Variants in NGEF observed in about 807,000 individuals in gnomAD.
NGEF encodes the protein ephexin-1.
Under a neutral mutation model 80.9 loss-of-function variants are expected in NGEF, and 31 were observed. The observed-to-expected ratio is 0.38, with a 90% CI of 0.29 to 0.52. The LOEUF (loss-of-function observed/expected upper bound fraction) is 0.52, where lower values mean the gene tolerates loss of function less well. Ranked by LOEUF, NGEF falls within the 20% of genes least tolerant of loss-of-function variation. The probability of loss-of-function intolerance (pLI) is 0.84; values close to 1 mark genes in which losing one functional copy is unlikely to be tolerated. For synonymous variants in NGEF, 371 were observed against 370.2 expected (o/e 1.00, Z -0.03); for missense variants, 709 against 926.2 (o/e 0.77, Z 3.04).
At chr2:232,993,955 G>A (rs1345070443) in intron 1 of NGEF, among the ~76,000 whole-genome samples, 2 of 152,096 alleles carry the variant, frequency 1.3e-5, no homozygotes, top group East Asian at 1.9e-4. Flanking sequence ...AATGGGGATG[G>A]GATTTCTTTT....
At chr2:232,922,416 A>G (rs921779418) in intron 4 of NGEF, among the ~76,000 whole-genome samples, 8 of 152,160 alleles carry the variant, frequency 5.3e-5, no homozygotes, top group African/African-American at 1.9e-4. Flanking sequence ...CAGAGCATCC[A>G]CTTCAGCAAG....
At chr2:232,943,306 C>T (rs1337859831) in intron 3 of NGEF, among the ~76,000 whole-genome samples, 1 of 151,804 alleles carries the variant, frequency 6.6e-6, no homozygotes, top group Non-Finnish European at 1.5e-5. Context: ...TAGATTCTTA[C>T]CAGGAGAAAA....
At chr2:232,882,856 T>C (rs531833772) in intron 12 of NGEF, among the ~76,000 whole-genome samples, 2 of 152,332 alleles carry the variant, frequency 1.3e-5, no homozygotes, top group East Asian at 3.9e-4. Context: ...TTTAGCTTGC[T>C]TGTCCCTCGT....
chr2:232,940,864 T>C (rs1316391970), intron 3 of NGEF, among the ~76,000 whole-genome samples: 1 of 150,084 alleles, frequency 6.7e-6, no homozygotes, highest in Non-Finnish European at 1.5e-5. Flanking sequence ...TTGGTTGGAT[T>C]CTAATGAAAT....
At chr2:232,967,281 C>T (rs1161191589) in intron 3 of NGEF, among the ~76,000 whole-genome samples, 2 of 152,122 alleles carry the variant, frequency 1.3e-5, no homozygotes, top group Non-Finnish European at 2.9e-5. Context: ...CAGATGCTGC[C>T]ATATTTCCTG....
At chr2:232,888,968 TGTAA>T (rs762193437) in intron 8 of NGEF, among the ~76,000 whole-genome samples, 1 of 152,170 alleles carries the variant, frequency 6.6e-6, no homozygotes, top group Non-Finnish European at 1.5e-5. Context: ...GCTTTTGTCC[TGTAA>T]GTAGGCTGGG....
intron 3 of NGEF, among the ~76,000 whole-genome samples, chr2:232,934,535 C>A (rs1390462347): frequency 2.0e-5 from 3 of 152,070 alleles, no homozygotes; most frequent in African/African-American, 7.2e-5. Context: ...AGGCATGTAA[C>A]CTTCAGCTAA....
At chr2:233,000,427 A>T (rs1694945905) in intron 1 of NGEF, among the ~76,000 whole-genome samples, 1 of 151,436 alleles carries the variant, frequency 6.6e-6, no homozygotes, top group Non-Finnish European at 1.5e-5. Context: ...TACTGATTCC[A>T]TCATGGGGCC....
intron 5 of NGEF, chr2:232,905,654 G>A (rs549277230): frequency 4.4e-4 from 163 of 370,350 alleles, no homozygotes; most frequent in African/African-American, 3.3e-3. Flanking sequence ...CCTGGGAAGT[G>A]AGGAGCGCCT....
intron 3 of NGEF, among the ~76,000 whole-genome samples, chr2:232,938,897 T>G (rs1028668936): frequency 1.3e-5 from 2 of 151,756 alleles, no homozygotes; most frequent in Admixed American, 1.3e-4. Context: ...GAACTCAAAC[T>G]AGGCCGGGTG....
At chr2:232,926,784 A>G (rs1693078398) in intron 4 of NGEF, among the ~76,000 whole-genome samples, 1 of 152,182 alleles carries the variant, frequency 6.6e-6, no homozygotes, top group African/African-American at 2.4e-5. Context: ...CTCCCACCAG[A>G]CAAGAGCTGG....
Position 232,933,313 on chromosome 2 carries a change from C to T in NGEF, c.384-6127G>A, listed in dbSNP as rs115743056. 1.8e-3 allele frequency among the ~76,000 whole-genome samples: 279 copies of T among 152,030 alleles called. 2 individuals carry two copies. Among genetic ancestry groups the T allele is most frequent in the African/African-American group, 5.9e-3 (244 of 41,440 alleles). ...AAAATTCAGCATAACTGACAGTGCA[C>T]CCACCGTCTCCCCCAGCTCCCCTCT... On this transcript the variant is annotated intron_variant, in intron 3 of 14. Coordinates refer to ENST00000264051, the MANE Select transcript of NGEF (RefSeq NM_019850.3).
At chr2:232,956,144 G>T (rs1024161497) in intron 3 of NGEF, among the ~76,000 whole-genome samples, 2 of 152,088 alleles carry the variant, frequency 1.3e-5, no homozygotes, top group Admixed American at 6.6e-5. Context: ...GGAGAGCAAA[G>T]ATTTATTTAC....
At chr2:233,003,947 A>C (rs1014445503) in intron 1 of NGEF, among the ~76,000 whole-genome samples, 1 of 151,992 alleles carries the variant, frequency 6.6e-6, no homozygotes, top group African/African-American at 2.4e-5. Flanking sequence ...CTTTTTAACC[A>C]ACAGACCCAG....
At chr2:233,005,114 T>A (rs1695059159) in intron 1 of NGEF, among the ~76,000 whole-genome samples, 1 of 152,310 alleles carries the variant, frequency 6.6e-6, no homozygotes, top group Non-Finnish European at 1.5e-5. Context: ...TTGTCCTCGA[T>A]GGATTCTGCG....
In NGEF at chr2:232,892,826, C is replaced by A; in HGVS notation, c.1142+72G>T. 6.6e-7 allele frequency: 1 copy of A among 1,514,352 alleles called. No individual in the cohort carries two copies. The highest frequency in any genetic ancestry group is 9.1e-7 in the Non-Finnish European group (1 of 1,103,792). 93.8% of individuals were successfully genotyped at this position (1,514,352 alleles called of 1,614,324 possible). A position where few individuals can be genotyped will look rare whatever the true frequency, so the allele number is the denominator to read the frequency against. The stretch of plus-strand genomic sequence containing the variant: ...CCATGAAGTGTCACCGTGTAAGGAG[C>A]CTGGGCCAGCACTGGTATGGCTGCC... On this transcript the variant is annotated intron_variant, in intron 7 of 14. Coordinates refer to ENST00000264051, the MANE Select transcript of NGEF (RefSeq NM_019850.3). This position sits in a 1 kb window ranked among gnomAD's most constrained non-coding sequence, Gnocchi z 4.0.
chr2:232,982,888 C>G (rs554341726), intron 1 of NGEF, among the ~76,000 whole-genome samples: 2 of 152,312 alleles, frequency 1.3e-5, no homozygotes, highest in East Asian at 3.9e-4. Context: ...GAAGGAGACA[C>G]AGATGAAGTT....
chr2:232,988,540 C>T (rs1347853591), intron 1 of NGEF, among the ~76,000 whole-genome samples: 1 of 152,318 alleles, frequency 6.6e-6, no homozygotes, highest in East Asian at 1.9e-4. Context: ...ACATGGATTC[C>T]AGCCCTACGG....
chr2:232,920,900 A>T (rs1692928941), intron 4 of NGEF, among the ~76,000 whole-genome samples: 1 of 152,104 alleles, frequency 6.6e-6, no homozygotes, highest in South Asian at 2.1e-4. Context: ...AACCTGATGC[A>T]CCCACCACCA....
Sources: gnomAD v4.1 joint callset for allele counts (sites outside exome capture counted in the v4.1 genomes callset) on GRCh38, gnomAD v4.1.1 for gene constraint, Gnocchi (gnomAD v3.1) non-coding constraint, MANE v1.5 for transcripts, NCBI Gene and HGNC (gene_info 2026-07-23, HGNC 2026-07-21) for gene names.